NCALD: variants seen among roughly 807,000 people sequenced by gnomAD.
NCALD encodes neurocalcin-delta.
Under a neutral mutation model 18.6 loss-of-function variants are expected in NCALD, and 10 were observed. The ratio of observed to expected loss-of-function variants is 0.54; its 90% confidence interval spans 0.33 to 0.91. The LOEUF (loss-of-function observed/expected upper bound fraction) is 0.91. NCALD is among the 40% of genes least tolerant of loss of function. NCALD has a pLI of 0.03. For synonymous variants in NCALD, 88 were observed against 87.4 expected, an observed-to-expected ratio of 1.01 and a Z score of -0.04; for missense variants, 184 against 247.6, an observed-to-expected ratio of 0.74 and a Z score of 1.72.
At chr8:101,867,065 A>C (rs972614271) in intron 4 of NCALD, among the ~76,000 whole-genome samples, 2 of 151,998 alleles carry the variant, frequency 1.3e-5, no homozygotes, top group Non-Finnish European at 2.9e-5. Context: ...ACCGTTCCTC[A>C]AGCACACCAG....
At chr8:102,079,272 C>T (rs776791128) in intron 1 of NCALD, among the ~76,000 whole-genome samples, 2 of 152,148 alleles carry the variant, frequency 1.3e-5, no homozygotes, top group Non-Finnish European at 2.9e-5. Context: ...AGCTACCAGC[C>T]GGCCTTGTTA....
chr8:102,048,380 C>A (rs1000736913), intron 1 of NCALD, among the ~76,000 whole-genome samples: 2 of 152,184 alleles, frequency 1.3e-5, no homozygotes, highest in Non-Finnish European at 2.9e-5. Context: ...CCATCCAGCA[C>A]TAACTCAGAT....
At chr8:101,928,378 A>G (rs1228735485) in intron 2 of NCALD, among the ~76,000 whole-genome samples, 2 of 152,220 alleles carry the variant, frequency 1.3e-5, no homozygotes, top group Non-Finnish European at 2.9e-5. Context: ...AAAATAATGT[A>G]TGCTACAGAA....
At chr8:101,848,797 T>G (rs532562317) in intron 4 of NCALD, among the ~76,000 whole-genome samples, 2 of 152,192 alleles carry the variant, frequency 1.3e-5, no homozygotes, top group South Asian at 4.1e-4. Context: ...ACATTGCTTC[T>G]AAGAATTTTA....
At chr8:101,836,369 G>A (rs940577197) in intron 4 of NCALD, among the ~76,000 whole-genome samples, 1 of 152,092 alleles carries the variant, frequency 6.6e-6, no homozygotes, top group Non-Finnish European at 1.5e-5. Context: ...ACCCTTTTCC[G>A]CCTCTAACAA....
At chr8:101,888,596 T>A (rs1043915464) in intron 3 of NCALD, among the ~76,000 whole-genome samples, 2 of 151,692 alleles carry the variant, frequency 1.3e-5, no homozygotes, top group Non-Finnish European at 2.9e-5. Context: ...CTTTTTTTTT[T>A]AATAGAGATG....
rs983442595 is a variant in NCALD, at chr8:101,688,762, C to G, written c.*547G>C. 3 of 563,662 alleles carry G rather than the reference C, an allele frequency of 5.3e-6. No homozygotes were observed. In the African/African-American group the frequency reaches 5.5e-5, roughly 10 times the overall value. The allele number at this position is 563,662 out of a possible 1,614,324, so 34.9% of individuals were successfully genotyped here. A position where few individuals can be genotyped will look rare whatever the true frequency, so the allele number is the denominator to read the frequency against. ...TGAAATGTTCACAGCTTAGAAACTA[C>G]AGCCTGCTGGGGAAGAGAGGGGAGT... On this transcript the variant is annotated 3_prime_UTR_variant, in exon 4 of 4. Transcript: ENST00000220931.
At chr8:101,949,341 G>A (rs759501460) in intron 2 of NCALD, among the ~76,000 whole-genome samples, 3 of 151,878 alleles carry the variant, frequency 2.0e-5, no homozygotes, top group East Asian at 1.9e-4. Context: ...TTCACTAGTC[G>A]TCACAGGTCA....
At chr8:102,056,293 G>A (rs1563579621) in intron 1 of NCALD, among the ~76,000 whole-genome samples, 1 of 152,234 alleles carries the variant, frequency 6.6e-6, no homozygotes, top group East Asian at 1.9e-4. Flanking sequence ...GAGCTTTAGG[G>A]AGAAGCAAAC....
chr8:101,821,492 C>T (rs548690289), intron 4 of NCALD, among the ~76,000 whole-genome samples: 4 of 152,120 alleles, frequency 2.6e-5, no homozygotes, highest in Admixed American at 1.3e-4. Context: ...ACCAAGTTGT[C>T]TCTGAAGATT....
chr8:102,081,120 CCCTT>C (rs1312731125), intron 1 of NCALD, among the ~76,000 whole-genome samples: 1 of 152,130 alleles, frequency 6.6e-6, no homozygotes, highest in African/African-American at 2.4e-5. Context: ...GAGAACTACT[CCCTT>C]AAGAACAGAA....
chr8:101,860,698 G>A (rs1223755399), intron 4 of NCALD, among the ~76,000 whole-genome samples: 1 of 152,114 alleles, frequency 6.6e-6, no homozygotes, highest in Non-Finnish European at 1.5e-5. Flanking sequence ...GTATTATATT[G>A]GGAAGATGGG....
intron 3 of NCALD, among the ~76,000 whole-genome samples, chr8:101,899,812 G>C (rs1185995906): frequency 6.6e-6 from 1 of 151,768 alleles, no homozygotes; most frequent in Non-Finnish European, 1.5e-5. Context: ...ATCTTTATAA[G>C]AGTAGTTAGT....
At chr8:101,893,308 A>T (rs1816993280) in intron 3 of NCALD, among the ~76,000 whole-genome samples, 1 of 151,030 alleles carries the variant, frequency 6.6e-6, no homozygotes, top group South Asian at 2.1e-4. Flanking sequence ...CAGACAAGCA[A>T]ATGCTGAGAG....
intron 1 of NCALD, among the ~76,000 whole-genome samples, chr8:102,042,941 C>T (rs988798882): frequency 2.6e-5 from 4 of 151,860 alleles, no homozygotes; most frequent in African/African-American, 4.9e-5. Flanking sequence ...AAACTTCTGG[C>T]TCCCCTTATC....
chr8:101,775,737 C>A (rs980469523), intron 1 of NCALD, among the ~76,000 whole-genome samples: 5 of 152,182 alleles, frequency 3.3e-5, no homozygotes, highest in African/African-American at 9.6e-5. Context: ...GCCTGTGCAA[C>A]CTTCATGCAG....
At chr8:101,733,055 A>G (rs1220493972) in intron 1 of NCALD, among the ~76,000 whole-genome samples, 1 of 152,090 alleles carries the variant, frequency 6.6e-6, no homozygotes, top group Non-Finnish European at 1.5e-5. Context: ...GGGGTGTAGA[A>G]CCAGAACCAT....
At chr8:102,069,392 A>G (rs1824109737) in intron 1 of NCALD, among the ~76,000 whole-genome samples, 1 of 152,332 alleles carries the variant, frequency 6.6e-6, no homozygotes, top group South Asian at 2.1e-4. Context: ...AGTGTTGACA[A>G]TGGAGCAGGT....
chr8:101,693,654 A>C (rs1814852369), intron 2 of NCALD: 1 of 152,204 alleles, frequency 6.6e-6, no homozygotes, highest in South Asian at 2.1e-4. Flanking sequence ...TTTGAGGAGC[A>C]AGGCTGCAGA....
Sources: gnomAD v4.1 joint callset for allele counts (sites outside exome capture counted in the v4.1 genomes callset) on GRCh38, gnomAD v4.1.1 for gene constraint, MANE v1.5 for transcripts, NCBI Gene and HGNC (gene_info 2026-07-23, HGNC 2026-07-21) for gene names.